The following DIS3L2 variants were observed in gnomAD, a reference collection of about 807,000 sequenced individuals.
DIS3L2 encodes DIS3-like exonuclease 2.
Under a neutral mutation model 97.5 loss-of-function variants are expected in DIS3L2, and 34 were observed. The ratio of observed to expected loss-of-function variants is 0.35; its 90% CI spans 0.27 to 0.46. DIS3L2 has a LOEUF of 0.46. Among genes scored for constraint, DIS3L2 ranks in the 20% least tolerant of loss-of-function variants. DIS3L2 has a pLI of 1.00. For missense variants in DIS3L2, 1,038 were observed against 1,146.0 expected (o/e 0.91, Z 1.36); for synonymous variants, 435 against 445.2 (o/e 0.98, Z 0.29).
chr2:232,286,248 G>C (rs564685800), intron 13 of DIS3L2, among the ~76,000 whole-genome samples: 1 of 152,154 alleles, frequency 6.6e-6, no homozygotes, highest in Admixed American at 6.5e-5. Context: ...TGGAGCTAGC[G>C]TCACTGGGTC....
At chr2:232,265,302 C>G (rs1397851008) in intron 13 of DIS3L2, among the ~76,000 whole-genome samples, 1 of 152,126 alleles carries the variant, frequency 6.6e-6, no homozygotes. Flanking sequence ...TGGGATCTAC[C>G]CAACCTTTGT....
rs779277888 is a variant in DIS3L2, at chr2:232,015,546, G to T, written c.85G>T (p.Gly29Cys). ...TGCTGTGGCTGGTCCACATGACATT[G>T]GTGCTTCGCCAGGTGACAAAAAGTC... ...VSAVAGPHDI[G>C]ASPGDKKSKN... Residue 29 changes from glycine (G) to cysteine (C), a missense_variant, in exon 3 of 21, where the codon GGT becomes TGT. This residue lies in a region of DIS3L2 where 813 missense variants were observed against 880.1 expected (regional missense o/e 0.92). Coordinates refer to ENST00000325385, the MANE Select transcript of DIS3L2 (RefSeq NM_152383.5). 1 of 1,613,986 alleles carries T rather than the reference G, an allele frequency of 6.2e-7. No individual in the cohort carries two copies. Among genetic ancestry groups the T allele is most frequent in the Non-Finnish European group, 8.5e-7 (1 of 1,179,934 alleles).
At chr2:232,329,789 T>TTCCCCCC in intron 14 of DIS3L2, 24 bp from the exon 15 acceptor site, 1 of 368,622 alleles carries the variant, frequency 2.7e-6, no homozygotes, top group South Asian at 2.8e-5. Flanking sequence ...CAGCGGTCCC[T>TTCCCCCC]CCCATCCCAC....
chr2:232,015,710 T>C (rs745800240), intron 3 of DIS3L2, 39 bp downstream of exon 3: 7 of 1,605,908 alleles, frequency 4.4e-6, no homozygotes, highest in Non-Finnish European at 5.9e-6. Flanking sequence ...TCTGAATATG[T>C]AGAATCCAAA....
At chr2:232,259,790 T>C (rs1056357069) in intron 12 of DIS3L2, 1 of 152,120 alleles carries the variant, frequency 6.6e-6, no homozygotes, top group Non-Finnish European at 1.5e-5. Context: ...GGCTAATTTT[T>C]GTTTTTGTTT....
intron 1 of DIS3L2, among the ~76,000 whole-genome samples, chr2:232,011,937 C>T: frequency 6.6e-6 from 1 of 152,354 alleles, no homozygotes; most frequent in African/African-American, 2.4e-5. Context: ...AGGCGTGAGC[C>T]ACGATGCCCA....
chr2:232,046,104 G>T (rs1325450349), intron 5 of DIS3L2, among the ~76,000 whole-genome samples: 1 of 152,138 alleles, frequency 6.6e-6, no homozygotes, highest in African/African-American at 2.4e-5. Flanking sequence ...CACTTGGTGC[G>T]TGGTCATTTC....
chr2:232,219,886 T>C (rs924977138), intron 10 of DIS3L2, among the ~76,000 whole-genome samples: 3 of 152,190 alleles, frequency 2.0e-5, no homozygotes, highest in Admixed American at 6.5e-5. Context: ...CCTAACATGG[T>C]AGTAAAACAA....
intron 5 of DIS3L2, among the ~76,000 whole-genome samples, chr2:232,034,738 T>G (rs1694906470): frequency 6.6e-6 from 1 of 152,220 alleles, no homozygotes; most frequent in Non-Finnish European, 1.5e-5. Flanking sequence ...CAGTAGTCAT[T>G]CAGGAGCAGG....
intron 9 of DIS3L2, among the ~76,000 whole-genome samples, chr2:232,166,080 A>AAATAAATT (rs1553612616): frequency 1.5e-5 from 2 of 133,798 alleles, no homozygotes; most frequent in Admixed American, 1.4e-4. Flanking sequence ...TACAATAAAT[A>AAATAAATT]AATAAATAAA....
intron 3 of DIS3L2, among the ~76,000 whole-genome samples, chr2:232,020,721 G>A (rs145623041): frequency 3.3e-5 from 5 of 152,162 alleles, no homozygotes; most frequent in East Asian, 1.9e-4. Context: ...ATGTGAAAGC[G>A]GGCAATTTTC....
At chr2:232,078,009 CTT>C (rs1315988727) in intron 5 of DIS3L2, among the ~76,000 whole-genome samples, 1 of 102,352 alleles carries the variant, frequency 9.8e-6, no homozygotes, top group East Asian at 3.7e-4. Context: ...TTCTTTCTTT[CTT>C]TCTTTCTTTT....
intron 3 of DIS3L2, among the ~76,000 whole-genome samples, chr2:232,017,774 C>T (rs1465989062): frequency 3.9e-5 from 6 of 152,174 alleles, no homozygotes; most frequent in Non-Finnish European, 7.3e-5. Flanking sequence ...ATGGTGCTTA[C>T]CTTTTAAGTC....
At chr2:231,972,701 G>A (rs1207282010) in intron 1 of DIS3L2, among the ~76,000 whole-genome samples, 2 of 151,810 alleles carry the variant, frequency 1.3e-5, no homozygotes, top group Admixed American at 1.3e-4. Context: ...GTGCCACCAG[G>A]CCTGGCTAAT....
intron 14 of DIS3L2, among the ~76,000 whole-genome samples, chr2:232,322,925 G>C (rs1695476804): frequency 6.6e-6 from 1 of 152,212 alleles, no homozygotes; most frequent in South Asian, 2.1e-4. Context: ...TTCTGTTCTT[G>C]CTCCAAGTCT....
At chr2:232,182,233 T>G (rs1223013227) in intron 9 of DIS3L2, among the ~76,000 whole-genome samples, 2 of 152,216 alleles carry the variant, frequency 1.3e-5, no homozygotes, top group Non-Finnish European at 2.9e-5. Flanking sequence ...TACATACTTG[T>G]GAATTTCTCT....
intron 8 of DIS3L2, among the ~76,000 whole-genome samples, chr2:232,143,537 A>C (rs1690128022): frequency 6.6e-6 from 1 of 152,128 alleles, no homozygotes; most frequent in East Asian, 1.9e-4. Flanking sequence ...TACATATTGA[A>C]TATTTACTGT....
chr2:232,060,639 T>C (rs1428773965), intron 5 of DIS3L2, among the ~76,000 whole-genome samples: 1 of 152,156 alleles, frequency 6.6e-6, no homozygotes, highest in Non-Finnish European at 1.5e-5. Context: ...TTGGCTATTC[T>C]GGTCTTTTAT....
In DIS3L2 at chr2:232,207,607, G is replaced by A. The variant is rs191330598; in HGVS notation, c.1125-2719G>A. 4.6e-5 allele frequency among the ~76,000 whole-genome samples: 7 copies of A among 152,218 alleles called. No individual in the cohort carries two copies. In the East Asian group the frequency reaches 1.2e-3, roughly 25 times the overall value. Reference sequence around the variant, plus strand: ...TGTGTGACTCTCCTCGAAATATTTAGAGGGAGAGTGGGTCTCCTGATTAAT... The same window carrying A: ...TGTGTGACTCTCCTCGAAATATTTAAAGGGAGAGTGGGTCTCCTGATTAAT... On this transcript the variant is annotated intron_variant, in intron 9 of 20. Coordinates refer to ENST00000325385, the MANE Select transcript of DIS3L2 (RefSeq NM_152383.5).
Sources: allele counts gnomAD v4.1 joint callset (sites outside exome capture counted in the v4.1 genomes callset), GRCh38; gene constraint gnomAD v4.1.1; regional missense constraint gnomAD v4.1.1; transcripts MANE v1.5; gene names NCBI Gene and HGNC (gene_info 2026-07-23, HGNC 2026-07-21).